NCKAP5: variants seen among roughly 807,000 people sequenced by gnomAD.
NCKAP5 encodes the protein NCK associated protein 5, also known as nck-associated protein 5.
In NCKAP5, 92 loss-of-function variants were observed where a neutral mutation model predicts 167.0. The observed-to-expected ratio is 0.55, with a 90% CI of 0.47 to 0.66. NCKAP5 has a LOEUF of 0.66. NCKAP5 is among the 30% of genes least tolerant of loss of function. The probability of loss-of-function intolerance (pLI) is 0.00; values close to 1 mark genes in which losing one functional copy is unlikely to be tolerated. For synonymous variants in NCKAP5, 891 were observed against 877.4 expected, an observed-to-expected ratio of 1.02 and a Z score of -0.27; for missense variants, 2,378 against 2,315.0, an observed-to-expected ratio of 1.03 and a Z score of -0.56.
intron 5 of NCKAP5, among the ~76,000 whole-genome samples, chr2:133,174,584 C>A (rs2084376984): frequency 6.6e-6 from 1 of 152,084 alleles, no homozygotes; most frequent in Admixed American, 6.5e-5. Flanking sequence ...TCAAATTGTA[C>A]CAGCTTTGGT....
At chr2:133,087,331 G>T (rs935532601) in intron 6 of NCKAP5, among the ~76,000 whole-genome samples, 6 of 152,118 alleles carry the variant, frequency 3.9e-5, no homozygotes, top group African/African-American at 1.4e-4. Flanking sequence ...AGACCAAAAA[G>T]AACAGTCTAA....
At chr2:133,093,983 T>C (rs6722102) in intron 6 of NCKAP5, among the ~76,000 whole-genome samples, 9,999 of 152,174 alleles carry the variant, frequency 0.066, 1,066 homozygotes, top group African/African-American at 0.22. Flanking sequence ...ACTTGCTAGA[T>C]AGCAGGAGGT....
At chr2:133,412,745 T>A (rs927227779) in intron 3 of NCKAP5, among the ~76,000 whole-genome samples, 1 of 152,232 alleles carries the variant, frequency 6.6e-6, no homozygotes, top group African/African-American at 2.4e-5. Flanking sequence ...TTTAAATCAG[T>A]ATCACAGAGG....
At chr2:133,479,304 T>C (rs1182048373) in intron 3 of NCKAP5, among the ~76,000 whole-genome samples, 2 of 152,258 alleles carry the variant, frequency 1.3e-5, no homozygotes, top group Admixed American at 6.5e-5. Flanking sequence ...TACTTTAACA[T>C]AATCCTTATG....
At chr2:133,447,200 G>T (rs1691252524) in intron 3 of NCKAP5, among the ~76,000 whole-genome samples, 1 of 152,094 alleles carries the variant, frequency 6.6e-6, no homozygotes. Context: ...TCAGTAGCAG[G>T]AAAAACAAAT....
At chr2:133,397,908 CTG>C (rs1394436509) in intron 3 of NCKAP5, among the ~76,000 whole-genome samples, 4 of 152,154 alleles carry the variant, frequency 2.6e-5, no homozygotes, top group Non-Finnish European at 5.9e-5. Flanking sequence ...GAAGGGAACT[CTG>C]TGCATTTTCT....
At chr2:133,506,933 A>C (rs932267261) in intron 3 of NCKAP5, among the ~76,000 whole-genome samples, 2 of 152,318 alleles carry the variant, frequency 1.3e-5, no homozygotes, top group African/African-American at 4.8e-5. Context: ...ACTTTAGACC[A>C]GGCTCTCTCT....
chr2:133,466,591 T>C (rs1359874356), intron 3 of NCKAP5, among the ~76,000 whole-genome samples: 1 of 152,194 alleles, frequency 6.6e-6, no homozygotes. Flanking sequence ...ATCTAAAAAT[T>C]ACCTTGGGCA....
At chr2:133,601,016 T>A in the NCKAP5 span, among the ~76,000 whole-genome samples, 1 of 152,220 alleles carries the variant, frequency 6.6e-6, no homozygotes, top group African/African-American at 2.4e-5. Flanking sequence ...CTCACGTAAG[T>A]TCCTACTTCC....
At chr2:133,264,784 G>A (rs1654276588) in intron 4 of NCKAP5, among the ~76,000 whole-genome samples, 1 of 152,202 alleles carries the variant, frequency 6.6e-6, no homozygotes, top group Non-Finnish European at 1.5e-5. Context: ...AGTAGAGACA[G>A]GTGCAGAAAT....
At chr2:133,612,985 A>G in the NCKAP5 span, among the ~76,000 whole-genome samples, 1 of 152,204 alleles carries the variant, frequency 6.6e-6, no homozygotes, top group Non-Finnish European at 1.5e-5. Flanking sequence ...TACAGCACTA[A>G]TAAAGCAAAG....
chr2:133,562,216 C>T (rs1575161873), intron 1 of NCKAP5, among the ~76,000 whole-genome samples: 1 of 151,548 alleles, frequency 6.6e-6, no homozygotes, highest in East Asian at 1.9e-4. Flanking sequence ...TATAAATATA[C>T]ACACACATAT....
chr2:133,254,220 C>A (rs780648985), intron 4 of NCKAP5, among the ~76,000 whole-genome samples: 2 of 152,152 alleles, frequency 1.3e-5, no homozygotes, highest in African/African-American at 4.8e-5. Flanking sequence ...AGCTCCAGGA[C>A]TAAGCCTTAG....
At chr2:132,755,194 G>A (rs1680432425) in intron 16 of NCKAP5, among the ~76,000 whole-genome samples, 1 of 152,234 alleles carries the variant, frequency 6.6e-6, no homozygotes, top group Admixed American at 6.5e-5. Flanking sequence ...CAATCTGGGA[G>A]GAAGAGGATG....
chr2:133,474,152 C>CTA (rs1553649190), intron 3 of NCKAP5, among the ~76,000 whole-genome samples: 12 of 119,654 alleles, frequency 1.0e-4, no homozygotes, highest in South Asian at 7.8e-4. Context: ...ATCTATCTAT[C>CTA]TATACACACA....
chr2:133,387,797 C>T (rs181937143), intron 3 of NCKAP5, among the ~76,000 whole-genome samples: 146 of 152,272 alleles, frequency 9.6e-4, no homozygotes, highest in African/African-American at 3.4e-3. Flanking sequence ...TTCATTTGAT[C>T]TTCAGTCACT....
chr2:133,293,634 T>C (rs1679751788), intron 4 of NCKAP5, among the ~76,000 whole-genome samples: 1 of 152,174 alleles, frequency 6.6e-6, no homozygotes, highest in Admixed American at 6.5e-5. Flanking sequence ...ATAATAAGTA[T>C]CCTTTGGTGG....
At chr2:132,811,941 G>A (rs1685907857) in intron 11 of NCKAP5, among the ~76,000 whole-genome samples, 1 of 152,200 alleles carries the variant, frequency 6.6e-6, no homozygotes, top group Non-Finnish European at 1.5e-5. Context: ...AGCTCCCAGG[G>A]CCTTTCTGCT....
chr2:133,521,899 T>G (rs1684507681), intron 2 of NCKAP5, among the ~76,000 whole-genome samples: 1 of 152,144 alleles, frequency 6.6e-6, no homozygotes, highest in African/African-American at 2.4e-5. Context: ...TCTAAAAAAC[T>G]AAGGGAAACC....
Sources: allele counts gnomAD v4.1 joint callset (sites outside exome capture counted in the v4.1 genomes callset), GRCh38; gene constraint gnomAD v4.1.1; transcripts MANE v1.5; gene names NCBI Gene and HGNC (gene_info 2026-07-23, HGNC 2026-07-21).